Variants in RBSN observed in about 807,000 individuals in gnomAD.
RBSN encodes rabenosyn, RAB effector.
RBSN carries 34 observed loss-of-function variants against 60.5 expected under a neutral mutation model. The ratio of observed to expected loss-of-function variants is 0.56; its 90% confidence interval spans 0.43 to 0.75. The LOEUF (loss-of-function observed/expected upper bound fraction) is 0.75. Among genes scored for constraint, RBSN ranks in the 30% least tolerant of loss-of-function variants. The probability of loss-of-function intolerance (pLI) is 0.00; values close to 1 mark genes in which losing one functional copy is unlikely to be tolerated. For synonymous variants in RBSN, 322 were observed against 366.9 expected, an observed-to-expected ratio of 0.88 and a Z score of 1.40; for missense variants, 845 against 986.8, an observed-to-expected ratio of 0.86 and a Z score of 1.92.
At chr3:15,093,273 T>C (rs1036285179) in intron 4 of RBSN, among the ~76,000 whole-genome samples, 3 of 152,234 alleles carry the variant, frequency 2.0e-5, no homozygotes, top group African/African-American at 7.2e-5. Flanking sequence ...CTTAAAACTT[T>C]ACTTTCCTGA....
intron 4 of RBSN, among the ~76,000 whole-genome samples, chr3:15,092,821 A>G (rs532958604): frequency 1.1e-4 from 17 of 152,346 alleles, no homozygotes; most frequent in Admixed American, 9.8e-4. Context: ...TGCAAACAAG[A>G]CTAAAGTATC....
rs2043646460 is a variant in RBSN, at chr3:15,095,979, T to C, written c.142A>G (p.Ile48Val). The C allele has an allele frequency of 4.3e-6, 7 of 1,614,122 alleles. 1 individual carries two copies. The South Asian group carries it at 6.6e-5, about 15-fold the overall frequency. Residue 48 changes from isoleucine to valine, a missense_variant, in exon 4 of 14, where the codon ATT becomes GTT. Physicochemically the swap from Ile to Val is conservative, Grantham distance 29. Transcript: ENST00000253699. ...SGEDRDVKGQ[I>V]KSLVQKAKKA... ...CAAGGTCCTCGCCTCTTACTTTTAATTTGCCCTTTGACATCACGGTCTTCC... is the reference window on the plus strand; with the variant it reads ...CAAGGTCCTCGCCTCTTACTTTTAACTTGCCCTTTGACATCACGGTCTTCC...
chr3:15,074,153 T>C lies in RBSN; in HGVS notation c.1984A>G (p.Asn662Asp), dbSNP rs144799723. The C allele has an allele frequency of 1.4e-4, 223 of 1,613,824 alleles. 1 individual carries two copies. Among genetic ancestry groups the C allele is most frequent in the Non-Finnish European group, 1.8e-4 (214 of 1,179,946 alleles). Residue 662 changes from asparagine (N) to aspartate (D), a missense_variant, in exon 14 of 14, where the codon AAT becomes GAT. Coordinates refer to ENST00000253699, the MANE Select transcript of RBSN (RefSeq NM_022340.4). This position sits in a 1 kb window ranked among gnomAD's most constrained non-coding sequence, Gnocchi z 6.4. ...TCCTCGTCCTCTTCCTCGAAAGGAT[T>C]GTACTCTTTCAGGATGCGGGCTGAA... ...DPSARILKEY[N>D]PFEEEDEEEE... is the part of the protein sequence containing the mutation.
In RBSN at chr3:15,082,220, A is replaced by C; in HGVS notation, c.840+147T>G. 1 of 1,116,542 alleles carries C rather than the reference A, an allele frequency of 9.0e-7. No homozygotes were observed. 69.2% of individuals were successfully genotyped at this position (1,116,542 alleles called of 1,614,324 possible). On this transcript the variant is annotated intron_variant, in intron 9 of 13. Coordinates refer to ENST00000253699, the MANE Select transcript of RBSN (RefSeq NM_022340.4). This position sits in a 1 kb window ranked among gnomAD's most constrained non-coding sequence, Gnocchi z 4.2. ...TGACTCACACAGGGCCCTAGCTGGGAAATCATAACATGGGCCTTTAACAGG... is the reference window on the plus strand; with the variant it reads ...TGACTCACACAGGGCCCTAGCTGGGCAATCATAACATGGGCCTTTAACAGG...
Position 15,096,633 on chromosome 3 carries a change from A to G in RBSN, c.-267T>C, listed in dbSNP as rs777022265. ...ATGTCTGAAGTACTTATCAACAAGCAGAAGTTTTTACTTGATGCTCTTTAC... is the reference window on the plus strand; with the variant it reads ...ATGTCTGAAGTACTTATCAACAAGCGGAAGTTTTTACTTGATGCTCTTTAC... On this transcript the variant is annotated 5_prime_UTR_variant, in exon 3 of 14. Transcript: ENST00000253699. 1 of 152,350 alleles carries G rather than the reference A, an allele frequency of 6.6e-6. No individual in the cohort carries two copies. Among genetic ancestry groups the G allele is most frequent in the Non-Finnish European group, 1.5e-5 (1 of 68,162 alleles). 9.4% of individuals were successfully genotyped at this position (152,350 alleles called of 1,614,324 possible).
At chr3:15,078,823 T>TATATATAC (rs1553591628) in intron 10 of RBSN, among the ~76,000 whole-genome samples, 2 of 109,260 alleles carry the variant, frequency 1.8e-5, no homozygotes, top group African/African-American at 6.7e-5. Flanking sequence ...TATATATATA[T>TATATATAC]ACATGGTTTT....
rs559481256 is a variant in RBSN, at chr3:15,094,488, G to A, written c.148+1485C>T. 3.9e-5 allele frequency among the ~76,000 whole-genome samples: 6 copies of A among 152,288 alleles called. No individual in the cohort carries two copies. In the South Asian group the frequency reaches 1.2e-3, roughly 32 times the overall value. On this transcript the variant is annotated intron_variant, in intron 4 of 13. Coordinates refer to ENST00000253699, the MANE Select transcript of RBSN (RefSeq NM_022340.4). Reference sequence around the variant, plus strand: ...GGATAAGTAACTCAACATCTCTTGAGCCTCACTTCACTTACTATCTGTAAA... The same window carrying A: ...GGATAAGTAACTCAACATCTCTTGAACCTCACTTCACTTACTATCTGTAAA...
At position 15,084,944 on chromosome 3, in the gene RBSN, C is replaced by G; in HGVS notation, c.437-48G>C. 6.2e-7 allele frequency: 1 copy of G among 1,613,704 alleles called. No homozygotes were observed. Among genetic ancestry groups the G allele is most frequent in the Non-Finnish European group, 8.5e-7 (1 of 1,179,794 alleles). ...AGAAAGCAGGCCATTTTAAAGAGAGCTTTGGTCAGGGAAAAAAAGATAATA... is the reference window on the plus strand; with the variant it reads ...AGAAAGCAGGCCATTTTAAAGAGAGGTTTGGTCAGGGAAAAAAAGATAATA... On this transcript the variant is annotated intron_variant, in intron 7 of 13. Transcript: ENST00000253699. This position sits in a 1 kb window ranked among gnomAD's most constrained non-coding sequence, Gnocchi z 4.2.
chr3:15,078,226 A>G, intron 10 of RBSN, 65 bp from the exon 11 acceptor site: 1 of 1,390,040 alleles, frequency 7.2e-7, no homozygotes, highest in Non-Finnish European at 1.0e-6. Flanking sequence ...ATAGTGTAGA[A>G]GGACGCTAAA....
At chr3:15,093,798 C>A (rs1048485062) in intron 4 of RBSN, among the ~76,000 whole-genome samples, 2 of 152,118 alleles carry the variant, frequency 1.3e-5, no homozygotes, top group African/African-American at 4.8e-5. Context: ...ACCTTCCGGG[C>A]TCAAGGGATC....
chr3:15,096,414 C>T (rs955456129), intron 3 of RBSN, 121 bp downstream of exon 3: 1 of 276,354 alleles, frequency 3.6e-6, no homozygotes, highest in Non-Finnish European at 6.7e-6. Context: ...TTTGAGAAAA[C>T]AAACTCTTTC....
In RBSN at chr3:15,078,776, ATACATATATATATATAT is replaced by A. The variant is rs1211571583; in HGVS notation, c.912-632_912-616del. ...CTCGGTCTCAAAAAAAAAAAAAAAA[ATACATATATATATATAT>A]ATATATATATATATATATATATATA... On this transcript the variant is annotated intron_variant, in intron 10 of 13. Transcript: ENST00000253699. Among the ~76,000 whole-genome samples, 393 of 56,252 alleles carry A rather than the reference ATACATATATATATATAT, an allele frequency of 7.0e-3. 2 individuals are homozygous for A. Among genetic ancestry groups the A allele is most frequent in the South Asian group, 0.018 (24 of 1,368 alleles). The allele number at this position is 56,252 out of a possible 152,430, so 36.9% of individuals were successfully genotyped here.
chr3:15,077,081 G>C lies in RBSN; in HGVS notation c.1082C>G (p.Ser361Ter). Residue 361 changes from serine (S) to a stop codon, truncating the protein, a stop_gained, in exon 12 of 14, where the codon TCA becomes TGA. Transcript: ENST00000253699. LOFTEE classifies it high-confidence loss of function. The surrounding 1 kb of genome is among the most constrained non-coding windows in gnomAD (Gnocchi z 4.4). ...NLRLQRMIRYSATLFVQEKLL... is the reference protein window; with the variant it reads ...NLRLQRMIRY ...CTTTACCTGCACAAAAAGTGTAGCT[G>C]AGTATCTGATCATTCTCTGCAGCCG... is the stretch of plus-strand genomic sequence containing the variant. The C allele has an allele frequency of 6.2e-7, 1 of 1,614,114 alleles. No homozygotes were observed. Among genetic ancestry groups the C allele is most frequent in the Non-Finnish European group, 8.5e-7 (1 of 1,179,998 alleles).
rs778447925 is a variant in RBSN at position 15,074,683 on chromosome 3, A to G, written c.1454T>C (p.Leu485Pro). 2 of 1,614,250 alleles carry G rather than the reference A, an allele frequency of 1.2e-6. No homozygotes were observed. The highest frequency in any genetic ancestry group is 1.7e-6 in the Non-Finnish European group (2 of 1,180,050). The change falls in exon 14 of 14, where the codon CTG becomes CCG. Residue 485 changes from leucine to proline, a missense_variant. Physicochemically the swap from Leu to Pro is moderately conservative, Grantham distance 98. Transcript: ENST00000253699. This position sits in a 1 kb window ranked among gnomAD's most constrained non-coding sequence, Gnocchi z 6.4. ...AAGRMDEVRT[L>P]QENLRQLQDE... ...CTGCAGCTGCCGCAGGTTCTCCTGC[A>G]GAGTGCGCACTTCATCCATGCGGCC...
rs745392628 is a variant in RBSN, at chr3:15,073,956, C to T, written c.2181G>A (p.Gly727=). The T allele has an allele frequency of 4.0e-5, 64 of 1,613,920 alleles. 1 individual carries two copies. The Admixed American group carries it at 6.5e-4, about 16-fold the overall frequency. The change falls in exon 14 of 14, where the codon GGG becomes GGA. Residue 727 remains glycine (G), a synonymous_variant. Coordinates refer to ENST00000253699, the MANE Select transcript of RBSN (RefSeq NM_022340.4). ...INPFEMDSDS[G]PEAEEPIEEE... The stretch of plus-strand genomic sequence containing the variant: ...CCTCTATGGGCTCCTCAGCCTCTGG[C>T]CCACTGTCACTGTCCATCTCAAAGG...
chr3:15,097,052 T>C (rs2043679292), intron 2 of RBSN, among the ~76,000 whole-genome samples: 1 of 151,934 alleles, frequency 6.6e-6, no homozygotes, highest in Non-Finnish European at 1.5e-5. Flanking sequence ...TAGAGACAGG[T>C]TCTTGCTATG....
In RBSN at chr3:15,089,456, C is replaced by CAAAAAAAA. The variant is rs757156425; in HGVS notation, c.289+935_289+942dup. On this transcript the variant is annotated intron_variant, in intron 5 of 13. Transcript: ENST00000253699. ...GGGTGACACAGTGAGACTCCATCTC[C>CAAAAAAAA]AAAAAAAAAAAAAAAAAAAAACAAA... 1.2e-3 allele frequency among the ~76,000 whole-genome samples: 39 copies of CAAAAAAAA among 31,380 alleles called. 1 individual carries two copies. The highest frequency in any genetic ancestry group is 1.9e-3 in the Non-Finnish European group (30 of 16,162). 20.6% of individuals were successfully genotyped at this position (31,380 alleles called of 152,430 possible).
At chr3:15,090,298 T>TA in intron 5 of RBSN, 101 bp downstream of exon 5, 1 of 1,310,010 alleles carries the variant, frequency 7.6e-7, no homozygotes, top group Admixed American at 2.2e-5. Flanking sequence ...CTTAGACCAT[T>TA]ATGGTTTACT....
At chr3:15,086,231 C>A (rs754528329) in intron 5 of RBSN, 3 of 312,806 alleles carry the variant, frequency 9.6e-6, no homozygotes, top group Admixed American at 4.7e-5. Context: ...CCACTGTACT[C>A]CAGCCTGGGT....
Sources: allele counts gnomAD v4.1 joint callset (sites outside exome capture counted in the v4.1 genomes callset), GRCh38; gene constraint gnomAD v4.1.1; non-coding constraint Gnocchi (gnomAD v3.1); transcripts MANE v1.5; gene names NCBI Gene and HGNC (gene_info 2026-07-23, HGNC 2026-07-21).